The following IL34 variants were observed in gnomAD, a reference collection of about 807,000 sequenced individuals.
IL34 encodes the protein interleukin 34, also known as interleukin-34.
A neutral mutation model predicts 25.3 loss-of-function variants in IL34; 17 were observed. The observed-to-expected ratio is 0.67, with a 90% CI of 0.46 to 1.01. The LOEUF (loss-of-function observed/expected upper bound fraction) is 1.01, where lower values mean the gene tolerates loss of function less well. IL34 is among the 50% of genes least tolerant of loss of function. IL34 has a pLI of 0.00. For missense variants in IL34, 368 were observed against 312.9 expected (o/e 1.18, Z -1.33); for synonymous variants, 174 against 140.9 (o/e 1.23, Z -1.66).
intron 1 of IL34, chr16:70,654,312 A>C (rs1280941865): frequency 4.8e-6 from 2 of 419,152 alleles, no homozygotes; most frequent in Admixed American, 4.1e-5. Flanking sequence ...AGTGGCCGGC[A>C]TGGGGTGGGT....
At chr16:70,647,886 C>T (rs886981761) in intron 1 of IL34, among the ~76,000 whole-genome samples, 1 of 152,172 alleles carries the variant, frequency 6.6e-6, no homozygotes, top group Non-Finnish European at 1.5e-5. Flanking sequence ...TCATGAGAAG[C>T]AGGGGTGCAG....
intron 1 of IL34, among the ~76,000 whole-genome samples, chr16:70,640,593 C>T (rs1471121781): frequency 2.7e-5 from 4 of 148,384 alleles, no homozygotes; most frequent in African/African-American, 7.6e-5. Flanking sequence ...CACTGCACTC[C>T]AGCCAGGGCG....
In IL34 at chr16:70,646,953, C is replaced by T; in HGVS notation, c.6C>T (p.Pro2=). The T allele has an allele frequency of 6.8e-7, 1 of 1,468,978 alleles. No homozygotes were observed. Among genetic ancestry groups the T allele is most frequent in the South Asian group, 1.4e-5 (1 of 70,202 alleles). The allele number at this position is 1,468,978 out of a possible 1,614,324, so 91.0% of individuals were successfully genotyped here. Residue 2 remains proline, a synonymous_variant, in exon 1 of 6, where the codon CCC becomes CCT. Coordinates refer to ENST00000288098, the MANE Select transcript of IL34 (RefSeq NM_001393494.1). ...GGGGGACGAGGAACACCACCATGCC[C>T]CGGGGCTTCACCTGGCTGCGCTGTG... M[P]RGFTWLRYLG...
intron 1 of IL34, among the ~76,000 whole-genome samples, chr16:70,648,376 C>T (rs34960234): frequency 0.098 from 14,921 of 151,672 alleles, 803 homozygotes; most frequent in East Asian, 0.19. Context: ...GGCAGCATAG[C>T]GAGACTCCAT....
intron 1 of IL34, among the ~76,000 whole-genome samples, chr16:70,631,186 C>G (rs185788236): frequency 2.0e-5 from 3 of 152,284 alleles, no homozygotes; most frequent in African/African-American, 4.8e-5. Flanking sequence ...TTTGGTTTTT[C>G]CAGTGTCTTG....
At chr16:70,626,003 C>A (rs546161783) in intron 1 of IL34, among the ~76,000 whole-genome samples, 14 of 152,302 alleles carry the variant, frequency 9.2e-5, no homozygotes, top group Admixed American at 5.2e-4. Flanking sequence ...ATCCGAGTCA[C>A]GGCACCGAAT....
At position 70,646,781 on chromosome 16, in the gene IL34, T is replaced by C. The variant is rs912956076; in HGVS notation, c.-167T>C. 2 of 594,516 alleles carry C rather than the reference T, an allele frequency of 3.4e-6. No homozygotes were observed. The highest frequency in any genetic ancestry group is 2.4e-5 in the South Asian group (1 of 41,830). 36.8% of individuals were successfully genotyped at this position (594,516 alleles called of 1,614,324 possible). On this transcript the variant is annotated 5_prime_UTR_variant, in exon 1 of 6. Transcript: ENST00000288098. ...GGCAGATAAGGGCAGCTGCTGCCCT[T>C]GGGGCACCTGCTCACTCCCGCAGCC...
At chr16:70,618,977 G>T (rs535558045) in intron 1 of IL34, among the ~76,000 whole-genome samples, 1 of 152,150 alleles carries the variant, frequency 6.6e-6, no homozygotes, top group Non-Finnish European at 1.5e-5. Flanking sequence ...AGAATAATGG[G>T]TTATAGAGGC....
intron 1 of IL34, among the ~76,000 whole-genome samples, chr16:70,589,854 C>G (rs1374678057): frequency 6.6e-6 from 1 of 152,144 alleles, no homozygotes; most frequent in African/African-American, 2.4e-5. Flanking sequence ...AACTCCTGAC[C>G]TCAAATGATC....
intron 1 of IL34, among the ~76,000 whole-genome samples, chr16:70,597,215 G>A: frequency 6.8e-6 from 1 of 147,768 alleles, no homozygotes; most frequent in East Asian, 2.0e-4. Flanking sequence ...AGTTCAGCCA[G>A]TTTTTTAGCT....
chr16:70,620,803 G>C (rs1286186345), intron 1 of IL34, among the ~76,000 whole-genome samples: 4 of 152,136 alleles, frequency 2.6e-5, no homozygotes, highest in Non-Finnish European at 5.9e-5. Context: ...TGGGATCAAG[G>C]GGCATTGCAG....
chr16:70,655,741 C>T (rs2151882685), intron 2 of IL34, among the ~76,000 whole-genome samples: 1 of 152,156 alleles, frequency 6.6e-6, no homozygotes, highest in East Asian at 1.9e-4. Context: ...CAGGGTGTCA[C>T]TCTGTTGTCC....
upstream of IL34, among the ~76,000 whole-genome samples, chr16:70,644,649 C>G (rs932992710): frequency 7.1e-6 from 1 of 139,862 alleles, no homozygotes; most frequent in Non-Finnish European, 1.5e-5. Flanking sequence ...GTTCTAGATA[C>G]GTTAGTGTTT....
rs77101515 is a variant in IL34 at position 70,605,969 on chromosome 16, GTTTTT to G, written c.-401+25939_-401+25943del. 4.3e-3 allele frequency among the ~76,000 whole-genome samples: 533 copies of G among 123,202 alleles called. 1 individual carries two copies. The highest frequency in any genetic ancestry group is 0.015 in the African/African-American group (486 of 32,144). 80.8% of individuals were successfully genotyped at this position (123,202 alleles called of 152,430 possible). ...TTACAGGCGTGAGCCACCGCACCTG[GTTTTT>G]TTTTTTTTTTTTTTTTTTAACAATG... On this transcript the variant is annotated intron_variant, in intron 1 of 6. Coordinates refer to the IL34 transcript ENST00000429149.
chr16:70,611,909 G>A (rs931387922), intron 1 of IL34, among the ~76,000 whole-genome samples: 2 of 152,258 alleles, frequency 1.3e-5, no homozygotes, highest in South Asian at 4.2e-4. Flanking sequence ...CAGCTCTTCG[G>A]GAGGAGCAGG....
At chr16:70,600,812 G>C (rs1362275653) in intron 1 of IL34, among the ~76,000 whole-genome samples, 1 of 150,912 alleles carries the variant, frequency 6.6e-6, no homozygotes, top group African/African-American at 2.5e-5. Flanking sequence ...GATGCTGGGA[G>C]AAATGAGGAG....
At chr16:70,618,068 G>A (rs1247749541) in intron 1 of IL34, among the ~76,000 whole-genome samples, 1 of 152,208 alleles carries the variant, frequency 6.6e-6, no homozygotes, top group Non-Finnish European at 1.5e-5. Flanking sequence ...TCCCTGAGGA[G>A]TAGTAGAATA....
At chr16:70,593,824 G>T (rs560027700) in intron 1 of IL34, among the ~76,000 whole-genome samples, 2 of 152,248 alleles carry the variant, frequency 1.3e-5, no homozygotes, top group Admixed American at 1.3e-4. Context: ...AGTGTACCTG[G>T]CAATATCTAG....
intron 1 of IL34, among the ~76,000 whole-genome samples, chr16:70,592,569 T>C (rs895331222): frequency 2.0e-5 from 3 of 152,196 alleles, no homozygotes; most frequent in African/African-American, 7.2e-5. Flanking sequence ...GCTGAATAAT[T>C]ATTTTAAAAA....
Sources: gnomAD v4.1 joint callset for allele counts (sites outside exome capture counted in the v4.1 genomes callset) on GRCh38, gnomAD v4.1.1 for gene constraint, MANE v1.5 for transcripts, NCBI Gene and HGNC (gene_info 2026-07-23, HGNC 2026-07-21) for gene names.